CSKMT: variants seen among roughly 807,000 people sequenced by gnomAD.
The protein encoded by CSKMT is citrate synthase lysine methyltransferase, also known as citrate synthase-lysine N-methyltransferase CSKMT, mitochondrial.
Under a neutral mutation model 4.6 loss-of-function variants are expected in CSKMT, and 6 were observed. That is an observed-to-expected ratio of 1.31 (90% CI 0.72 to 2.59). The LOEUF (loss-of-function observed/expected upper bound fraction) is 2.59, where lower values mean the gene tolerates loss of function less well. Ranked by LOEUF, CSKMT falls within the 30% of genes most tolerant of loss-of-function variation. The pLI is 0.00. For synonymous variants in CSKMT, 142 were observed against 128.9 expected (o/e 1.10, Z -0.69); for missense variants, 328 against 298.0 (o/e 1.10, Z -0.74).
Position 62,665,870 on chromosome 11 carries a change from G to C in CSKMT, c.-10G>C. On this transcript the variant is annotated 5_prime_UTR_variant, in exon 2 of 3. Coordinates refer to ENST00000532971, the MANE Select transcript of CSKMT (RefSeq NM_001043229.2). Reference sequence around the variant, plus strand: ...TAAGCTTCTCTGGTCGAACTTACCCGAATCTCCAGATGGCCGCGCTGCGTC... The same window carrying C: ...TAAGCTTCTCTGGTCGAACTTACCCCAATCTCCAGATGGCCGCGCTGCGTC... 6.2e-7 allele frequency: 1 copy of C among 1,612,610 alleles called. No homozygotes were observed. The highest frequency in any genetic ancestry group is 8.5e-7 in the Non-Finnish European group (1 of 1,179,102).
intron 2 of CSKMT, 79 bp from the exon 3 acceptor site, chr11:62,666,317 A>C: frequency 1.3e-6 from 2 of 1,488,446 alleles, no homozygotes; most frequent in Non-Finnish European, 1.8e-6. Flanking sequence ...CTCAAAAAAA[A>C]AAAAGACGCC....
chr11:62,665,863 C>T lies in CSKMT; in HGVS notation c.-17C>T. The T allele has an allele frequency of 1.2e-6, 2 of 1,612,218 alleles. No homozygotes were observed. The highest frequency in any genetic ancestry group is 8.5e-7 in the Non-Finnish European group (1 of 1,178,770). On this transcript the variant is annotated 5_prime_UTR_variant, in exon 2 of 3. Transcript: ENST00000532971. ...CTTCACATAAGCTTCTCTGGTCGAA[C>T]TTACCCGAATCTCCAGATGGCCGCG...
At chr11:62,666,365 A>G in intron 2 of CSKMT, 31 bp from the exon 3 acceptor site, 1 of 1,601,930 alleles carries the variant, frequency 6.2e-7, no homozygotes, top group Non-Finnish European at 8.5e-7. Context: ...GGCGACATAG[A>G]CCAAGTGACA....
chr11:62,668,034 C>A lies in CSKMT; in HGVS notation c.*983C>A. On this transcript the variant is annotated 3_prime_UTR_variant, in exon 3 of 3. Coordinates refer to ENST00000532971, the MANE Select transcript of CSKMT (RefSeq NM_001043229.2). ...CAATGGGCCATGATAAGCTGCTGCACTTGAGCTAAAAATTAATTTCTGTGG... is the reference window on the plus strand; with the variant it reads ...CAATGGGCCATGATAAGCTGCTGCAATTGAGCTAAAAATTAATTTCTGTGG... 1 of 294,532 alleles carries A rather than the reference C, an allele frequency of 3.4e-6. No homozygotes were observed. Among genetic ancestry groups the A allele is most frequent in the East Asian group, 5.8e-5 (1 of 17,354 alleles). 18.2% of individuals were successfully genotyped at this position (294,532 alleles called of 1,614,324 possible). A position where few individuals can be genotyped will look rare whatever the true frequency, so the allele number is the denominator to read the frequency against.
Position 62,667,443 on chromosome 11 carries a change from A to G in CSKMT, c.*392A>G, listed in dbSNP as rs775000759. ...GTAAGCCTCATTTTTGTCACCTGTA[A>G]AAGGAGATTGTAAGAGGATGGGTAT... is the stretch of plus-strand genomic sequence containing the variant. On this transcript the variant is annotated 3_prime_UTR_variant, in exon 3 of 3. Coordinates refer to ENST00000532971, the MANE Select transcript of CSKMT (RefSeq NM_001043229.2). 2.1e-6 allele frequency: 3 copies of G among 1,452,058 alleles called. No individual in the cohort carries two copies. The East Asian group carries it at 6.8e-5, about 33-fold the overall frequency. 89.9% of individuals were successfully genotyped at this position (1,452,058 alleles called of 1,614,324 possible). A position where few individuals can be genotyped will look rare whatever the true frequency, so the allele number is the denominator to read the frequency against.
intron 1 of CSKMT, 123 bp downstream of exon 1, chr11:62,665,455 G>A (rs983123818): frequency 1.3e-6 from 2 of 1,566,078 alleles, no homozygotes; most frequent in Non-Finnish European, 1.7e-6. Flanking sequence ...GGCTTGTGGT[G>A]CCGCTCCCCG....
Position 62,667,645 on chromosome 11 carries a change from A to G in CSKMT, c.*594A>G. The G allele has an allele frequency of 6.2e-7, 1 of 1,614,212 alleles. No homozygotes were observed. The highest frequency in any genetic ancestry group is 8.5e-7 in the Non-Finnish European group (1 of 1,180,040). On this transcript the variant is annotated 3_prime_UTR_variant, in exon 3 of 3. Transcript: ENST00000532971. The stretch of plus-strand genomic sequence containing the variant: ...GGCTTCCAGACATGCTGTGTCCTCA[A>G]GAATCCAACAAGCATCTTCTTCATC...
Position 62,665,710 on chromosome 11 carries a change from T to C in CSKMT, c.-170T>C. On this transcript the variant is annotated 5_prime_UTR_variant, in exon 2 of 3. Transcript: ENST00000532971. ...CAGCCAATAAAGGCCGTTCCTACCA[T>C]AGTCTGTGTCCGCGTTCTTTTTTCC... 4.1e-6 allele frequency: 6 copies of C among 1,462,182 alleles called. No homozygotes were observed. Among genetic ancestry groups the C allele is most frequent in the South Asian group, 4.1e-5 (3 of 73,254 alleles). The allele number at this position is 1,462,182 out of a possible 1,614,324, so 90.6% of individuals were successfully genotyped here.
Position 62,665,334 on chromosome 11 carries a change from T to TA in CSKMT, c.-234+4dup. The TA allele has an allele frequency of 2.7e-6, 2 of 753,604 alleles. No individual in the cohort carries two copies. Among genetic ancestry groups the TA allele is most frequent in the East Asian group, 2.7e-5 (1 of 37,590 alleles). 46.7% of individuals were successfully genotyped at this position (753,604 alleles called of 1,614,324 possible). The stretch of plus-strand genomic sequence containing the variant: ...GGCCTTTCGGAGGGTGGTGAGCTAG[T>TA]AAGTGTGGTTTTAGCTGTAGTAGCC... On this transcript the variant is annotated splice_region_variant and intron_variant, in intron 1 of 2. Coordinates refer to ENST00000532971, the MANE Select transcript of CSKMT (RefSeq NM_001043229.2).
chr11:62,665,678 C>G lies in CSKMT; in HGVS notation c.-202C>G. 1 of 1,459,892 alleles carries G rather than the reference C, an allele frequency of 6.8e-7. No individual in the cohort carries two copies. 90.4% of individuals were successfully genotyped at this position (1,459,892 alleles called of 1,614,324 possible). A position where few individuals can be genotyped will look rare whatever the true frequency, so the allele number is the denominator to read the frequency against. The stretch of plus-strand genomic sequence containing the variant: ...GGACGCTGTATACCCTCCTCCACTT[C>G]CCGCTGCAGCCAATAAAGGCCGTTC... On this transcript the variant is annotated 5_prime_UTR_variant, in exon 2 of 3. Transcript: ENST00000532971.
At position 62,667,445 on chromosome 11, in the gene CSKMT, A is replaced by C. The variant is rs1266816595; in HGVS notation, c.*394A>C. 7 of 1,454,046 alleles carry C rather than the reference A, an allele frequency of 4.8e-6. No homozygotes were observed. The highest frequency in any genetic ancestry group is 6.8e-6 in the Non-Finnish European group (7 of 1,036,202). 90.1% of individuals were successfully genotyped at this position (1,454,046 alleles called of 1,614,324 possible). Reference sequence around the variant, plus strand: ...AAGCCTCATTTTTGTCACCTGTAAAAGGAGATTGTAAGAGGATGGGTATAA... The same window carrying C: ...AAGCCTCATTTTTGTCACCTGTAAACGGAGATTGTAAGAGGATGGGTATAA... On this transcript the variant is annotated 3_prime_UTR_variant, in exon 3 of 3. Coordinates refer to ENST00000532971, the MANE Select transcript of CSKMT (RefSeq NM_001043229.2).
rs1216623547 is a variant in CSKMT at position 62,667,235 on chromosome 11, T to A, written c.*184T>A. ...TACTCATCTGCAGAGTGAGAATAAC[T>A]TGGAGTTACGGAGATTACATACAAT... On this transcript the variant is annotated 3_prime_UTR_variant, in exon 3 of 3. Coordinates refer to ENST00000532971, the MANE Select transcript of CSKMT (RefSeq NM_001043229.2). 3 of 670,594 alleles carry A rather than the reference T, an allele frequency of 4.5e-6. No individual in the cohort carries two copies. The highest frequency in any genetic ancestry group is 7.5e-6 in the Non-Finnish European group (3 of 398,852). 41.5% of individuals were successfully genotyped at this position (670,594 alleles called of 1,614,324 possible).
rs138999399 is a variant in CSKMT at position 62,665,842 on chromosome 11, A to G, written c.-38A>G. On this transcript the variant is annotated 5_prime_UTR_variant, in exon 2 of 3. Coordinates refer to ENST00000532971, the MANE Select transcript of CSKMT (RefSeq NM_001043229.2). ...CCGGCTGGAGTAGGGTGGACGCTTC[A>G]CATAAGCTTCTCTGGTCGAACTTAC... 3.1e-4 allele frequency: 498 copies of G among 1,607,598 alleles called. 2 individuals are homozygous for G. In the East Asian group the frequency reaches 5.0e-3, roughly 16 times the overall value.
In CSKMT at chr11:62,667,751, G is replaced by C; in HGVS notation, c.*700G>C. On this transcript the variant is annotated 3_prime_UTR_variant, in exon 3 of 3. Coordinates refer to ENST00000532971, the MANE Select transcript of CSKMT (RefSeq NM_001043229.2). ...TCCTGTGGGCTCCAAGCCCAGCCTG[G>C]GATGGAGGAAGAGAGGGGACAAAAA... The C allele has an allele frequency of 6.3e-7, 1 of 1,590,878 alleles. No homozygotes were observed. Among genetic ancestry groups the C allele is most frequent in the Non-Finnish European group, 8.6e-7 (1 of 1,162,112 alleles).
Position 62,667,643 on chromosome 11 carries a change from C to T in CSKMT, c.*592C>T. 1 of 1,614,160 alleles carries T rather than the reference C, an allele frequency of 6.2e-7. No individual in the cohort carries two copies. Among genetic ancestry groups the T allele is most frequent in the Non-Finnish European group, 8.5e-7 (1 of 1,180,036 alleles). On this transcript the variant is annotated 3_prime_UTR_variant, in exon 3 of 3. Coordinates refer to ENST00000532971, the MANE Select transcript of CSKMT (RefSeq NM_001043229.2). Reference sequence around the variant, plus strand: ...GTGGCTTCCAGACATGCTGTGTCCTCAAGAATCCAACAAGCATCTTCTTCA... The same window carrying T: ...GTGGCTTCCAGACATGCTGTGTCCTTAAGAATCCAACAAGCATCTTCTTCA...
Position 62,667,990 on chromosome 11 carries a change from C to T in CSKMT, c.*939C>T, listed in dbSNP as rs1330619131. The T allele has an allele frequency of 2.4e-6, 1 of 414,126 alleles. No homozygotes were observed. The highest frequency in any genetic ancestry group is 4.4e-6 in the Non-Finnish European group (1 of 229,194). 25.7% of individuals were successfully genotyped at this position (414,126 alleles called of 1,614,324 possible). On this transcript the variant is annotated 3_prime_UTR_variant, in exon 3 of 3. Transcript: ENST00000532971. ...GGCTGAGCTGGGAGGACTGCTTGAA[C>T]CCTGGGAGGTCAAAGCTGCAATGGG...
intron 1 of CSKMT, 42 bp from the exon 2 acceptor site, chr11:62,665,605 G>T: frequency 6.4e-7 from 1 of 1,565,608 alleles, no homozygotes; most frequent in Non-Finnish European, 8.6e-7. Context: ...GATCCAGCTG[G>T]CTCCTCCATC....
rs1403452790 is a variant in CSKMT at position 62,667,724 on chromosome 11, G to A, written c.*673G>A. 1 of 1,609,408 alleles carries A rather than the reference G, an allele frequency of 6.2e-7. No individual in the cohort carries two copies. On this transcript the variant is annotated 3_prime_UTR_variant, in exon 3 of 3. Transcript: ENST00000532971. ...TTAAATGTTCTTAAAGGACTTCTAGGGTCCTGTGGGCTCCAAGCCCAGCCT... is the reference window on the plus strand; with the variant it reads ...TTAAATGTTCTTAAAGGACTTCTAGAGTCCTGTGGGCTCCAAGCCCAGCCT...
chr11:62,667,683 C>A lies in CSKMT; in HGVS notation c.*632C>A. On this transcript the variant is annotated 3_prime_UTR_variant, in exon 3 of 3. Transcript: ENST00000532971. ...CATCTTCTTCATCCTGGTCCTGCCC[C>A]CAGCTGAGTCCAGCGTTAAATGTTC... The A allele has an allele frequency of 6.2e-7, 1 of 1,614,176 alleles. No individual in the cohort carries two copies. The highest frequency in any genetic ancestry group is 8.5e-7 in the Non-Finnish European group (1 of 1,180,040).
Sources: allele counts gnomAD v4.1 joint callset, GRCh38; gene constraint gnomAD v4.1.1; transcripts MANE v1.5; gene names NCBI Gene and HGNC (gene_info 2026-07-23, HGNC 2026-07-21).